The following MAF variants were observed in gnomAD, a reference collection of about 807,000 sequenced individuals.
MAF encodes the protein transcription factor Maf.
In MAF, 10 loss-of-function variants were observed where a neutral mutation model predicts 22.0. The observed-to-expected ratio is 0.45, with a 90% confidence interval of 0.28 to 0.77. The LOEUF is 0.77. Ranked by LOEUF, MAF falls within the 30% of genes least tolerant of loss-of-function variation. The probability of loss-of-function intolerance (pLI) is 0.12; values close to 1 mark genes in which losing one functional copy is unlikely to be tolerated. For missense variants in MAF, 544 were observed against 548.4 expected (o/e 0.99, Z 0.08); for synonymous variants, 337 against 255.8 (o/e 1.32, Z -3.03).
chr16:79,507,852 T>C, the MAF span, among the ~76,000 whole-genome samples: 11 of 152,338 alleles, frequency 7.2e-5, no homozygotes, highest in African/African-American at 2.2e-4. Flanking sequence ...TTTTCTTCTG[T>C]TGGAGTTTGT....
chr16:79,371,921 C>G, the MAF span, among the ~76,000 whole-genome samples: 1 of 152,226 alleles, frequency 6.6e-6, no homozygotes, highest in Non-Finnish European at 1.5e-5. Flanking sequence ...CCAAGCTTCG[C>G]TTTTTCTCAT....
At chr16:79,296,989 G>A in the MAF span, among the ~76,000 whole-genome samples, 3 of 152,176 alleles carry the variant, frequency 2.0e-5, no homozygotes, top group African/African-American at 7.2e-5. Flanking sequence ...TCAATGGCAG[G>A]GAACATACAT....
the MAF span, among the ~76,000 whole-genome samples, chr16:79,439,997 T>C: frequency 7.2e-5 from 11 of 152,242 alleles, no homozygotes; most frequent in African/African-American, 2.2e-4. Context: ...CTGAGGTCCC[T>C]ATTTACAGTC....
chr16:79,509,472 A>T, the MAF span, among the ~76,000 whole-genome samples: 1 of 152,200 alleles, frequency 6.6e-6, no homozygotes, highest in Non-Finnish European at 1.5e-5. Flanking sequence ...GCTGGCAAGG[A>T]TGTTGGCAGC....
the MAF span, among the ~76,000 whole-genome samples, chr16:79,254,053 T>C: frequency 3.9e-5 from 6 of 152,132 alleles, no homozygotes; most frequent in African/African-American, 1.4e-4. Context: ...AAAAACTCTT[T>C]ATATGTTATT....
chr16:79,315,697 G>A, the MAF span, among the ~76,000 whole-genome samples: 1 of 152,174 alleles, frequency 6.6e-6, no homozygotes, highest in Admixed American at 6.5e-5. Flanking sequence ...TGGGTGGGTG[G>A]CATTTTACTC....
the MAF span, among the ~76,000 whole-genome samples, chr16:79,286,768 G>A: frequency 6.6e-6 from 1 of 152,140 alleles, no homozygotes; most frequent in African/African-American, 2.4e-5. Context: ...GTTCTCACAT[G>A]GCCGTATCCA....
the MAF span, among the ~76,000 whole-genome samples, chr16:79,237,753 C>T: frequency 6.6e-6 from 1 of 152,182 alleles, no homozygotes; most frequent in Admixed American, 6.5e-5. Flanking sequence ...AGGGTGCTTA[C>T]TGTCATTTCT....
chr16:79,356,677 C>T, the MAF span, among the ~76,000 whole-genome samples: 1 of 152,188 alleles, frequency 6.6e-6, no homozygotes, highest in Non-Finnish European at 1.5e-5. Flanking sequence ...CACTTCCCCC[C>T]ACTTTCCACT....
chr16:79,355,328 G>T, the MAF span, among the ~76,000 whole-genome samples: 389 of 152,322 alleles, frequency 2.6e-3, 1 homozygote, highest in African/African-American at 8.6e-3. Flanking sequence ...AGGAACCCCA[G>T]GTCAGATGTA....
At chr16:79,374,004 G>C in the MAF span, among the ~76,000 whole-genome samples, 4 of 152,102 alleles carry the variant, frequency 2.6e-5, no homozygotes, top group Admixed American at 2.6e-4. Context: ...ATGATCCTGA[G>C]AGTTGGGGTG....
the MAF span, among the ~76,000 whole-genome samples, chr16:79,234,781 T>A: frequency 6.6e-6 from 1 of 152,186 alleles, no homozygotes; most frequent in East Asian, 1.9e-4. Context: ...CCTAAGCCAG[T>A]CCTGCCTGAG....
At chr16:79,304,361 T>A in the MAF span, among the ~76,000 whole-genome samples, 1 of 152,330 alleles carries the variant, frequency 6.6e-6, no homozygotes, top group Admixed American at 6.5e-5. Context: ...TGGGTGATAC[T>A]GTATCGTATT....
chr16:79,290,337 G>A, the MAF span, among the ~76,000 whole-genome samples: 1 of 152,128 alleles, frequency 6.6e-6, no homozygotes, highest in Non-Finnish European at 1.5e-5. Flanking sequence ...TAAATCATAC[G>A]GGCTCTGCGG....
chr16:79,578,365 A>G, the MAF span, among the ~76,000 whole-genome samples: 1 of 152,186 alleles, frequency 6.6e-6, no homozygotes, highest in African/African-American at 2.4e-5. Context: ...TAATGAATCC[A>G]AAGGCTAAAT....
At chr16:79,399,426 T>C in the MAF span, among the ~76,000 whole-genome samples, 2 of 152,210 alleles carry the variant, frequency 1.3e-5, no homozygotes. Flanking sequence ...GCTGGAAAAG[T>C]ATTCTTCAAA....
the MAF span, among the ~76,000 whole-genome samples, chr16:79,248,192 A>T: frequency 6.6e-6 from 1 of 151,112 alleles, no homozygotes; most frequent in Non-Finnish European, 1.5e-5. Flanking sequence ...TAAATTAACT[A>T]CTCATGGTTA....
At chr16:79,424,435 C>T in the MAF span, among the ~76,000 whole-genome samples, 6 of 152,110 alleles carry the variant, frequency 3.9e-5, no homozygotes, top group African/African-American at 4.8e-5. Flanking sequence ...ATGGCTTCTG[C>T]GGGCCTGGGC....
At chr16:79,410,915 C>T in the MAF span, among the ~76,000 whole-genome samples, 2 of 152,164 alleles carry the variant, frequency 1.3e-5, no homozygotes, top group Non-Finnish European at 2.9e-5. Context: ...AATGAAGGAC[C>T]TTACGTGATG....
Sources: allele counts gnomAD v4.1 joint callset (sites outside exome capture counted in the v4.1 genomes callset), GRCh38; gene constraint gnomAD v4.1.1; transcripts MANE v1.5; gene names NCBI Gene and HGNC (gene_info 2026-07-23, HGNC 2026-07-21).